The following SETD1B variants were observed in gnomAD, a reference collection of about 807,000 sequenced individuals.
SETD1B encodes the protein histone-lysine N-methyltransferase SETD1B.
In SETD1B, 7 loss-of-function variants were observed where a neutral mutation model predicts 148.0. The observed-to-expected ratio is 0.05, with a 90% CI of 0.03 to 0.09. SETD1B has a LOEUF of 0.09. Among genes scored for constraint, SETD1B ranks in the 10% least tolerant of loss-of-function variants. SETD1B has a pLI of 1.00. For missense variants in SETD1B, 2,155 were observed against 2,729.9 expected (o/e 0.79, Z 4.69); for synonymous variants, 1,361 against 1,186.5 (o/e 1.15, Z -3.02).
chr12:121,797,941 A>G, the SETD1B span: 4 of 308,390 alleles, frequency 1.3e-5, no homozygotes, highest in Admixed American at 1.8e-4. Context: ...CCTCCCAGCA[A>G]AGGAGCTGGA....
intron 4 of SETD1B, among the ~76,000 whole-genome samples, chr12:121,807,207 G>A (rs1039787350): frequency 6.6e-6 from 1 of 152,068 alleles, no homozygotes; most frequent in East Asian, 1.9e-4. Flanking sequence ...CACTTGCCGA[G>A]CCTGTGCCCG....
At chr12:121,825,467 G>T in intron 13 of SETD1B, 101 bp downstream of exon 13, 2 of 1,019,452 alleles carry the variant, frequency 2.0e-6, no homozygotes, top group East Asian at 7.1e-5. Context: ...GAGTTGTGAG[G>T]CCAGAGGGGC....
intron 13 of SETD1B, among the ~76,000 whole-genome samples, chr12:121,826,655 G>A (rs1382361196): frequency 6.6e-6 from 1 of 152,152 alleles, no homozygotes. Flanking sequence ...AGCTGGGGTG[G>A]TGTGGAGCTG....
At chr12:121,797,226 C>A in the SETD1B span, 3 of 358,016 alleles carry the variant, frequency 8.4e-6, no homozygotes, top group East Asian at 7.4e-5. Flanking sequence ...CACGCTAGGG[C>A]TCCGGGCGGA....
chr12:121,829,102 T>A (rs1273183608), intron 16 of SETD1B, among the ~76,000 whole-genome samples: 1 of 96,678 alleles, frequency 1.0e-5, no homozygotes, highest in Non-Finnish European at 2.1e-5. Context: ...GGTAAGAGGA[T>A]GGGGTGGGCA....
chr12:121,795,355 T>C, the SETD1B span: 1 of 151,952 alleles, frequency 6.6e-6, no homozygotes, highest in Admixed American at 6.6e-5. Context: ...GCAATGGAGG[T>C]TGGAAGCAGG....
At chr12:121,802,018 G>A (rs1208385281), upstream of SETD1B, 1 of 151,994 alleles carries the variant, frequency 6.6e-6, no homozygotes, top group East Asian at 1.9e-4. Context: ...ACAAAGAAAA[G>A]GTCTTCCTTT....
At chr12:121,809,241 G>C (rs1012315020) in intron 5 of SETD1B, among the ~76,000 whole-genome samples, 2 of 152,156 alleles carry the variant, frequency 1.3e-5, no homozygotes, top group Admixed American at 1.3e-4. Flanking sequence ...CCATCCTCTC[G>C]TGCACAAGAT....
chr12:121,800,605 G>A (rs1875293348), upstream of SETD1B: 1 of 151,236 alleles, frequency 6.6e-6, no homozygotes, highest in African/African-American at 2.4e-5. Context: ...AGGCCTCCTG[G>A]TGCCCGCGTG....
At chr12:121,799,436 G>A (rs1207313820), upstream of SETD1B, 1 of 152,218 alleles carries the variant, frequency 6.6e-6, no homozygotes, top group Non-Finnish European at 1.5e-5. Flanking sequence ...ATCAGAGGAC[G>A]GCTCACACTG....
At chr12:121,794,780 AC>A in the SETD1B span, among the ~76,000 whole-genome samples, 117,864 of 151,288 alleles carry the variant, frequency 0.78, 46,557 homozygotes, top group East Asian at 0.98. Context: ...TGGCAGAGGG[AC>A]CCCCCCCTGG....
chr12:121,793,094 A>C, the SETD1B span: 1 of 1,426,710 alleles, frequency 7.0e-7, no homozygotes, highest in African/African-American at 1.4e-5. Flanking sequence ...GACGCCCGGG[A>C]GGGGAAACCC....
chr12:121,797,635 G>C, the SETD1B span: 1 of 456,238 alleles, frequency 2.2e-6, no homozygotes, highest in Non-Finnish European at 4.4e-6. Context: ...AGCCCTCCAG[G>C]GTGCAGCTGG....
rs751377589 is a variant in SETD1B, at chr12:121,827,725, C to T, written c.5470-10C>T. Reference sequence around the variant, plus strand: ...CCGGGGCTCACCTCTCCCCCTCTTCCCTCCCACAGTTCCGGAAGAAAAAGC... The same window carrying T: ...CCGGGGCTCACCTCTCCCCCTCTTCTCTCCCACAGTTCCGGAAGAAAAAGC... On this transcript the variant is annotated splice_polypyrimidine_tract_variant and intron_variant, in intron 14 of 16. Transcript: ENST00000604567. The T allele has an allele frequency of 6.9e-5, 107 of 1,551,748 alleles. No homozygotes were observed. Among genetic ancestry groups the T allele is most frequent in the Non-Finnish European group, 8.2e-5 (94 of 1,147,048 alleles).
chr12:121,814,522 C>T lies in SETD1B; in HGVS notation c.2307C>T (p.Gly769=), dbSNP rs756951883. Reference sequence around the variant, plus strand: ...GCCACGTGCTGGGTGGCCAGTGGGGCGGCATGCCCATGTCCTTCCAGATGC... The same window carrying T: ...GCCACGTGCTGGGTGGCCAGTGGGGTGGCATGCCCATGTCCTTCCAGATGC... ...DMSHVLGGQW[G]GMPMSFQMQT... Residue 769 remains glycine (G), a synonymous_variant, in exon 7 of 17, where the codon GGC becomes GGT. Coordinates refer to ENST00000604567, the MANE Select transcript of SETD1B (RefSeq NM_001353345.2). 285 of 1,470,094 alleles carry T rather than the reference C, an allele frequency of 1.9e-4. 2 individuals carry two copies. In the Admixed American group the frequency reaches 6.0e-3, roughly 31 times the overall value. The allele number at this position is 1,470,094 out of a possible 1,614,324, so 91.1% of individuals were successfully genotyped here. A position where few individuals can be genotyped will look rare whatever the true frequency, so the allele number is the denominator to read the frequency against.
At chr12:121,811,562 G>A (rs1203688631) in intron 6 of SETD1B, among the ~76,000 whole-genome samples, 3 of 152,220 alleles carry the variant, frequency 2.0e-5, no homozygotes, top group Non-Finnish European at 4.4e-5. Context: ...GGGGTTGGGG[G>A]TGAGGGTGCC....
chr12:121,819,706 G>T lies in SETD1B; in HGVS notation c.3721G>T (p.Val1241Leu), dbSNP rs1288927358. 1.9e-6 allele frequency: 3 copies of T among 1,551,042 alleles called. No individual in the cohort carries two copies. The African/African-American group carries it at 4.1e-5, about 21-fold the overall frequency. ...EEEVDIETEA[V>L]APEERPSMLD... Reference sequence around the variant, plus strand: ...GGAGGTGGACATCGAGACTGAGGCTGTGGCCCCTGAGGAGCGGCCCTCCAT... The same window carrying T: ...GGAGGTGGACATCGAGACTGAGGCTTTGGCCCCTGAGGAGCGGCCCTCCAT... Residue 1241 changes from valine to leucine, a missense_variant, in exon 11 of 17, where the codon GTG (valine) becomes TTG (leucine). Val to Leu is a conservative substitution (Grantham distance 32). Coordinates refer to ENST00000604567, the MANE Select transcript of SETD1B (RefSeq NM_001353345.2).
rs369582788 is a variant in SETD1B, at chr12:121,814,887, G to A, written c.2672G>A (p.Arg891Gln). ...AAGATGGTGGAAGTGGTGGCTTTCC[G>A]GGCCTTTGACGAGTGGTGGGACAAG... is the stretch of plus-strand genomic sequence containing the variant. ...NRKMVEVVAF[R>Q]AFDEWWDKKE... The change falls in exon 7 of 17, where the codon CGG becomes CAG. Residue 891 changes from arginine to glutamine, a missense_variant. Physicochemically the swap from Arg to Gln is conservative, Grantham distance 43. Transcript: ENST00000604567. 6 of 1,551,340 alleles carry A rather than the reference G, an allele frequency of 3.9e-6. No homozygotes were observed. The highest frequency in any genetic ancestry group is 2.4e-5 in the South Asian group (2 of 84,060).
rs1875728237 is a variant in SETD1B at position 121,806,162 on chromosome 12, C to G, written c.544+57C>G. On this transcript the variant is annotated intron_variant, in intron 4 of 16. Coordinates refer to ENST00000604567, the MANE Select transcript of SETD1B (RefSeq NM_001353345.2). Reference sequence around the variant, plus strand: ...CCTGTCAGCCCGACCCTTTCCCTCCCCACCCTTCCTGCAGCGTGGGGAGGA... The same window carrying G: ...CCTGTCAGCCCGACCCTTTCCCTCCGCACCCTTCCTGCAGCGTGGGGAGGA... 6.6e-6 allele frequency: 10 copies of G among 1,522,184 alleles called. No individual in the cohort carries two copies. The South Asian group carries it at 1.3e-4, about 19-fold the overall frequency. The allele number at this position is 1,522,184 out of a possible 1,614,324, so 94.3% of individuals were successfully genotyped here. A position where few individuals can be genotyped will look rare whatever the true frequency, so the allele number is the denominator to read the frequency against.
Sources: gnomAD v4.1 joint callset for allele counts (sites outside exome capture counted in the v4.1 genomes callset) on GRCh38, gnomAD v4.1.1 for gene constraint, MANE v1.5 for transcripts, NCBI Gene and HGNC (gene_info 2026-07-23, HGNC 2026-07-21) for gene names.